ADGRV1: variants seen among roughly 807,000 people sequenced by gnomAD.
ADGRV1 encodes the protein G-protein coupled receptor 98.
Under a neutral mutation model 596.2 loss-of-function variants are expected in ADGRV1, and 359 were observed. The ratio of observed to expected loss-of-function variants is 0.60; its 90% confidence interval spans 0.55 to 0.66. The LOEUF (loss-of-function observed/expected upper bound fraction) is 0.66, where lower values mean the gene tolerates loss of function less well. ADGRV1 is among the 30% of genes least tolerant of loss of function. The probability of loss-of-function intolerance (pLI) is 0.00; values close to 1 mark genes in which losing one functional copy is unlikely to be tolerated. For synonymous variants in ADGRV1, 2,681 were observed against 2,679.2 expected (o/e 1.00, Z -0.02); for missense variants, 7,274 against 7,575.6 (o/e 0.96, Z 1.48).
chr5:90,974,431 A>G (rs1581682032), intron 84 of ADGRV1, among the ~76,000 whole-genome samples: 1 of 152,196 alleles, frequency 6.6e-6, no homozygotes. Context: ...GAGGCATCAC[A>G]CTACCTGACT....
intron 1 of ADGRV1, among the ~76,000 whole-genome samples, chr5:90,591,429 G>GAT (rs745532585): frequency 2.0e-5 from 3 of 151,872 alleles, no homozygotes; most frequent in Non-Finnish European, 2.9e-5. Flanking sequence ...ATATTTTTCT[G>GAT]ATATATCACT....
At chr5:90,925,616 C>T (rs951409331) in intron 83 of ADGRV1, among the ~76,000 whole-genome samples, 1 of 150,590 alleles carries the variant, frequency 6.6e-6, no homozygotes, top group African/African-American at 2.4e-5. Context: ...AACTGAATAC[C>T]CTTTATTTCC....
intron 36 of ADGRV1, 31 bp downstream of exon 36, chr5:90,704,519 G>A (rs908020799): frequency 7.4e-7 from 1 of 1,353,458 alleles, no homozygotes; most frequent in Non-Finnish European, 1.0e-6. Context: ...AATTTTTTTT[G>A]GTATATTCTT....
chr5:90,799,186 T>A (rs894901721), intron 70 of ADGRV1, among the ~76,000 whole-genome samples: 2 of 152,200 alleles, frequency 1.3e-5, no homozygotes, highest in African/African-American at 4.8e-5. Flanking sequence ...CCCCATCATC[T>A]CAGCCCCAGA....
At chr5:90,792,528 G>A (rs1330848907) in intron 70 of ADGRV1, 1 of 152,086 alleles carries the variant, frequency 6.6e-6, no homozygotes, top group Non-Finnish European at 1.5e-5. Flanking sequence ...CTCAGTTAAT[G>A]TCCACAGGTT....
intron 42 of ADGRV1, 41 bp from the exon 43 acceptor site, chr5:90,716,426 T>G: frequency 6.8e-7 from 1 of 1,460,826 alleles, no homozygotes. Flanking sequence ...TTATAACCTC[T>G]TCTATTTTCA....
rs181707314 is a variant in ADGRV1, at chr5:90,592,680, A to G, written c.23-22155A>G. On this transcript the variant is annotated intron_variant, in intron 1 of 89. Coordinates refer to ENST00000405460, the MANE Select transcript of ADGRV1 (RefSeq NM_032119.4). Reference sequence around the variant, plus strand: ...CAGGCAACCTATGGAATGGGAGAAAATTTTTGCAATCTACCCATCTGACAA... The same window carrying G: ...CAGGCAACCTATGGAATGGGAGAAAGTTTTTGCAATCTACCCATCTGACAA... 2.0e-3 allele frequency among the ~76,000 whole-genome samples: 310 copies of G among 152,264 alleles called. 5 individuals are homozygous for G. Among genetic ancestry groups the G allele is most frequent in the Admixed American group, 0.012 (188 of 15,296 alleles).
intron 87 of ADGRV1, among the ~76,000 whole-genome samples, chr5:91,116,777 T>A (rs1278704124): frequency 6.6e-6 from 1 of 152,208 alleles, no homozygotes; most frequent in Non-Finnish European, 1.5e-5. Flanking sequence ...ATACTGTCAG[T>A]CTTGGAAACT....
intron 1 of ADGRV1, among the ~76,000 whole-genome samples, chr5:90,611,705 A>T (rs1345777573): frequency 6.6e-6 from 1 of 151,988 alleles, no homozygotes; most frequent in Non-Finnish European, 1.5e-5. Context: ...GCATGAAAAA[A>T]TTTTGTTAAA....
At chr5:91,039,218 C>G (rs1283436401) in intron 85 of ADGRV1, among the ~76,000 whole-genome samples, 1 of 152,162 alleles carries the variant, frequency 6.6e-6, no homozygotes, top group Non-Finnish European at 1.5e-5. Flanking sequence ...TAAAAACTTT[C>G]AGATCAGGGT....
At position 90,985,489 on chromosome 5, in the gene ADGRV1, T is replaced by C; in HGVS notation, c.18119T>C (p.Met6040Thr). 1 of 1,613,908 alleles carries C rather than the reference T, an allele frequency of 6.2e-7. No individual in the cohort carries two copies. The highest frequency in any genetic ancestry group is 8.5e-7 in the Non-Finnish European group (1 of 1,179,802). Residue 6040 changes from methionine to threonine, a missense_variant, in exon 85 of 90, where the codon ATG becomes ACG. By Grantham distance (81) the Met-to-Thr change is moderately conservative. Transcript: ENST00000405460. ...VILKGIYHQS[M>T]SQIYGLIHGD... Reference sequence around the variant, plus strand: ...TTGAAAGGAATCTATCATCAGAGCATGTCACAGATCTATGGACTCATTCAT... The same window carrying C: ...TTGAAAGGAATCTATCATCAGAGCACGTCACAGATCTATGGACTCATTCAT...
At chr5:90,976,194 A>C (rs1779557455) in intron 84 of ADGRV1, among the ~76,000 whole-genome samples, 1 of 143,392 alleles carries the variant, frequency 7.0e-6, no homozygotes, top group Admixed American at 7.0e-5. Flanking sequence ...ATAAGCAGAC[A>C]TGTGTTCTTG....
intron 78 of ADGRV1, among the ~76,000 whole-genome samples, chr5:90,841,521 C>CA (rs1765426557): frequency 6.6e-6 from 1 of 151,974 alleles, no homozygotes; most frequent in African/African-American, 2.4e-5. Flanking sequence ...TATACTTGTA[C>CA]AAAACAGATT....
At chr5:90,613,509 G>A (rs983718055) in intron 1 of ADGRV1, among the ~76,000 whole-genome samples, 6 of 152,070 alleles carry the variant, frequency 3.9e-5, no homozygotes, top group Admixed American at 3.9e-4. Context: ...AGACAGGGAA[G>A]AGTTTGCAGC....
intron 87 of ADGRV1, among the ~76,000 whole-genome samples, chr5:91,119,319 C>T (rs1369982097): frequency 6.6e-6 from 1 of 152,130 alleles, no homozygotes; most frequent in Admixed American, 6.6e-5. Context: ...CAACTGGGTT[C>T]CTGAAGTCAG....
At chr5:91,139,761 C>G (rs568190071) in intron 87 of ADGRV1, among the ~76,000 whole-genome samples, 2 of 152,302 alleles carry the variant, frequency 1.3e-5, no homozygotes, top group East Asian at 3.9e-4. Context: ...TCAGCCTGTT[C>G]TCACCACTCT....
rs1437270133 is a variant in ADGRV1, at chr5:90,647,712, T to C, written c.3237T>C (p.Asp1079=). The part of the protein sequence containing the change: ...QQSISIFVNE[D]GIPETDEPFY... ...GCATATCCATATTTGTTAATGAAGATGGTATCCCGGAAACAGATGAGCCCT... is the reference window on the plus strand; with the variant it reads ...GCATATCCATATTTGTTAATGAAGACGGTATCCCGGAAACAGATGAGCCCT... The change falls in exon 17 of 90, where the codon GAT becomes GAC. Residue 1079 remains aspartate, a synonymous_variant. Coordinates refer to ENST00000405460, the MANE Select transcript of ADGRV1 (RefSeq NM_032119.4). The C allele has an allele frequency of 1.2e-6, 2 of 1,613,804 alleles. No homozygotes were observed. Among genetic ancestry groups the C allele is most frequent in the Admixed American group, 1.7e-5 (1 of 60,026 alleles).
intron 75 of ADGRV1, among the ~76,000 whole-genome samples, chr5:90,822,755 C>A (rs1763693266): frequency 1.3e-5 from 2 of 152,138 alleles, no homozygotes; most frequent in African/African-American, 2.4e-5. Context: ...TTCTTCCTAC[C>A]CATAAGCATG....
chr5:90,703,838 A>G, intron 35 of ADGRV1, 43 bp downstream of exon 35: 2 of 1,475,038 alleles, frequency 1.4e-6, no homozygotes, highest in Non-Finnish European at 1.8e-6. Flanking sequence ...TCTAGAAAGA[A>G]TGGTGTATTT....
Sources: allele counts gnomAD v4.1 joint callset (sites outside exome capture counted in the v4.1 genomes callset), GRCh38; gene constraint gnomAD v4.1.1; transcripts MANE v1.5; gene names NCBI Gene and HGNC (gene_info 2026-07-23, HGNC 2026-07-21).